The following ST6GALNAC3 variants were observed in gnomAD, a reference collection of about 807,000 sequenced individuals.
ST6GALNAC3 encodes the protein alpha-N-acetylgalactosaminide alpha-2,6-sialyltransferase 3.
In ST6GALNAC3, 25 loss-of-function variants were observed where a neutral mutation model predicts 32.7. That is an observed-to-expected ratio of 0.76 (90% CI 0.56 to 1.07). The LOEUF is 1.07. Ranked by LOEUF, ST6GALNAC3 falls within the 50% of genes least tolerant of loss-of-function variation. ST6GALNAC3 has a pLI of 0.00. For synonymous variants in ST6GALNAC3, 129 were observed against 133.1 expected (o/e 0.97, Z 0.21); for missense variants, 355 against 382.4 (o/e 0.93, Z 0.60).
At chr1:76,348,917 A>G (rs1323319123) in intron 2 of ST6GALNAC3, among the ~76,000 whole-genome samples, 2 of 152,212 alleles carry the variant, frequency 1.3e-5, no homozygotes, top group African/African-American at 4.8e-5. Flanking sequence ...TGCCTGGCTC[A>G]TAGTACATAC....
intron 3 of ST6GALNAC3, among the ~76,000 whole-genome samples, chr1:76,587,911 C>T (rs547714117): frequency 1.3e-3 from 202 of 152,238 alleles, no homozygotes; most frequent in African/African-American, 4.7e-3. Flanking sequence ...AAACATCCAT[C>T]GGTTAGGATC....
At chr1:76,147,752 G>C (rs769209012) in intron 1 of ST6GALNAC3, among the ~76,000 whole-genome samples, 6 of 152,186 alleles carry the variant, frequency 3.9e-5, no homozygotes, top group Non-Finnish European at 5.9e-5. Flanking sequence ...GAATGAGGGA[G>C]CCTTCTCAGT....
chr1:76,189,877 C>T (rs771742400), intron 1 of ST6GALNAC3, among the ~76,000 whole-genome samples: 29 of 152,196 alleles, frequency 1.9e-4, no homozygotes, highest in Middle Eastern at 3.4e-3. Context: ...CTCTGAGGGC[C>T]ATTAAGTGGG....
intron 2 of ST6GALNAC3, among the ~76,000 whole-genome samples, chr1:76,408,955 T>C (rs1654026623): frequency 6.6e-6 from 1 of 152,084 alleles, no homozygotes; most frequent in Non-Finnish European, 1.5e-5. Flanking sequence ...TGTAAGTGAA[T>C]TGGAGGACTC....
intron 3 of ST6GALNAC3, among the ~76,000 whole-genome samples, chr1:76,499,006 G>T (rs1244402121): frequency 6.6e-6 from 1 of 152,012 alleles, no homozygotes; most frequent in East Asian, 1.9e-4. Context: ...TACCCCACTA[G>T]ACAACAGGGT....
chr1:76,634,225 C>A lies in ST6GALNAC3; in HGVS notation c.*5419C>A, dbSNP rs895559506. 1.4e-5 allele frequency: 13 copies of A among 920,378 alleles called. No individual in the cohort carries two copies. Among genetic ancestry groups the A allele is most frequent in the Non-Finnish European group, 1.7e-5 (13 of 770,832 alleles). The allele number at this position is 920,378 out of a possible 1,614,324, so 57.0% of individuals were successfully genotyped here. On this transcript the variant is annotated 3_prime_UTR_variant, in exon 5 of 5. Transcript: ENST00000328299. ...AACATCTTGATGAATAAACAGTCAA[C>A]TACCAAGTTCACATATTTGCCTATG...
At chr1:76,477,252 A>G (rs1659413485) in intron 3 of ST6GALNAC3, among the ~76,000 whole-genome samples, 1 of 151,714 alleles carries the variant, frequency 6.6e-6, no homozygotes, top group African/African-American at 2.4e-5. Flanking sequence ...TGAATACCAT[A>G]TTATGTGTTT....
chr1:76,199,760 C>T (rs1053570470), intron 1 of ST6GALNAC3, among the ~76,000 whole-genome samples: 2 of 152,238 alleles, frequency 1.3e-5, no homozygotes, highest in African/African-American at 2.4e-5. Context: ...AGTTTCAATG[C>T]TCTTTTAATT....
intron 1 of ST6GALNAC3, chr1:76,308,020 G>A (rs1030072760): frequency 7.3e-6 from 3 of 408,266 alleles, no homozygotes; most frequent in Middle Eastern, 7.2e-4. Flanking sequence ...GCTGTTAAAG[G>A]CCCCTTCAGA....
At chr1:76,240,233 A>G (rs1656889144) in intron 1 of ST6GALNAC3, among the ~76,000 whole-genome samples, 1 of 152,238 alleles carries the variant, frequency 6.6e-6, no homozygotes, top group South Asian at 2.1e-4. Flanking sequence ...GTATGCTGGA[A>G]AGAATAAAAT....
intron 3 of ST6GALNAC3, among the ~76,000 whole-genome samples, chr1:76,484,518 CTGTT>C (rs1423365326): frequency 2.0e-5 from 3 of 152,298 alleles, no homozygotes; most frequent in Non-Finnish European, 4.4e-5. Context: ...ATTTGGCTCT[CTGTT>C]TGTCTGTTAT....
At chr1:76,165,511 T>C (rs193232871) in intron 1 of ST6GALNAC3, among the ~76,000 whole-genome samples, 28 of 152,284 alleles carry the variant, frequency 1.8e-4, no homozygotes, top group Admixed American at 1.7e-3. Flanking sequence ...AATAGAATGA[T>C]TTGTATTTAT....
intron 1 of ST6GALNAC3, among the ~76,000 whole-genome samples, chr1:76,285,744 T>A (rs1280426011): frequency 1.3e-5 from 2 of 151,782 alleles, no homozygotes; most frequent in Non-Finnish European, 2.9e-5. Flanking sequence ...AACCTCCTGA[T>A]AGATAGATGC....
intron 1 of ST6GALNAC3, among the ~76,000 whole-genome samples, chr1:76,092,780 C>T (rs909308684): frequency 1.3e-5 from 2 of 152,188 alleles, no homozygotes; most frequent in African/African-American, 4.8e-5. Context: ...GCCAAATTGT[C>T]CAAGGCCATT....
chr1:76,256,860 A>C (rs1416899760), intron 1 of ST6GALNAC3, among the ~76,000 whole-genome samples: 3 of 152,258 alleles, frequency 2.0e-5, no homozygotes, highest in Admixed American at 1.3e-4. Flanking sequence ...AAAAGTTAAA[A>C]TTAGAGTAAT....
intron 1 of ST6GALNAC3, among the ~76,000 whole-genome samples, chr1:76,160,340 C>T (rs1651730454): frequency 6.6e-6 from 1 of 152,074 alleles, no homozygotes; most frequent in African/African-American, 2.4e-5. Context: ...AAAAGGGTTC[C>T]TGTAGTAGCA....
intron 2 of ST6GALNAC3, among the ~76,000 whole-genome samples, chr1:76,396,490 A>G (rs1006562998): frequency 1.3e-5 from 2 of 151,972 alleles, no homozygotes; most frequent in Non-Finnish European, 2.9e-5. Flanking sequence ...ATAAATGACC[A>G]ATCCACTTCT....
intron 1 of ST6GALNAC3, among the ~76,000 whole-genome samples, chr1:76,146,505 C>T (rs925850054): frequency 6.6e-6 from 1 of 152,108 alleles, no homozygotes; most frequent in Non-Finnish European, 1.5e-5. Context: ...CTCCTCCCCT[C>T]CTCCTTCTTT....
At chr1:76,150,422 G>C (rs1049779386) in intron 1 of ST6GALNAC3, among the ~76,000 whole-genome samples, 2 of 152,148 alleles carry the variant, frequency 1.3e-5, no homozygotes, top group African/African-American at 4.8e-5. Context: ...TCCATGAATG[G>C]GGCTAGGTTT....
Sources: allele counts gnomAD v4.1 joint callset (sites outside exome capture counted in the v4.1 genomes callset), GRCh38; gene constraint gnomAD v4.1.1; transcripts MANE v1.5; gene names NCBI Gene and HGNC (gene_info 2026-07-23, HGNC 2026-07-21).